The following ELAVL4 variants were observed in gnomAD, a reference collection of about 807,000 sequenced individuals.
ELAVL4 encodes the protein ELAV-like protein 4.
ELAVL4 carries 1 observed loss-of-function variant against 35.6 expected under a neutral mutation model. That is an observed-to-expected ratio of 0.03 (90% CI 0.01 to 0.13). ELAVL4 has a LOEUF of 0.13. ELAVL4 is among the 10% of genes least tolerant of loss of function. The pLI is 1.00. For missense variants in ELAVL4, 267 were observed against 464.9 expected (o/e 0.57, Z 3.91); for synonymous variants, 156 against 171.0 (o/e 0.91, Z 0.69).
intron 1 of ELAVL4, among the ~76,000 whole-genome samples, chr1:50,120,006 G>T (rs1236967356): frequency 6.6e-6 from 1 of 150,882 alleles, no homozygotes; most frequent in African/African-American, 2.4e-5. Flanking sequence ...TTTTCTTGGG[G>T]GAAAAATAAG....
chr1:50,186,293 G>A (rs1483181313), intron 3 of ELAVL4, among the ~76,000 whole-genome samples: 2 of 152,178 alleles, frequency 1.3e-5, no homozygotes, highest in Non-Finnish European at 2.9e-5. Flanking sequence ...TCACTTGAGA[G>A]AGCATTTTTT....
intron 1 of ELAVL4, chr1:50,109,886 C>T: frequency 6.2e-7 from 1 of 1,608,728 alleles, no homozygotes; most frequent in Non-Finnish European, 8.5e-7. Context: ...TTTTACATAA[C>T]GTTCCTTTCC....
chr1:50,189,024 G>A (rs1158155871), intron 3 of ELAVL4, among the ~76,000 whole-genome samples: 1 of 152,182 alleles, frequency 6.6e-6, no homozygotes, highest in Non-Finnish European at 1.5e-5. Context: ...CTGGCACATA[G>A]TAGATGTTTA....
intron 1 of ELAVL4, among the ~76,000 whole-genome samples, chr1:50,093,627 G>A (rs1353786841): frequency 1.3e-5 from 2 of 152,166 alleles, no homozygotes; most frequent in African/African-American, 4.8e-5. Context: ...GGGTTTGCCC[G>A]AGAGAAGCAT....
chr1:50,100,534 A>G (rs1336803246), upstream of ELAVL4, among the ~76,000 whole-genome samples: 2 of 152,190 alleles, frequency 1.3e-5, no homozygotes, highest in Non-Finnish European at 2.9e-5. Context: ...GGCTTCTCCC[A>G]CGAAGCCTTC....
intron 3 of ELAVL4, among the ~76,000 whole-genome samples, chr1:50,182,683 G>A (rs1681229299): frequency 6.6e-6 from 1 of 152,160 alleles, no homozygotes; most frequent in South Asian, 2.1e-4. Context: ...GGCTGCTGTG[G>A]TAGGTTTTTG....
At position 50,108,930 on chromosome 1, in the gene ELAVL4, C is replaced by T; in HGVS notation, c.-260C>T. The T allele has an allele frequency of 8.9e-7, 1 of 1,129,140 alleles. No individual in the cohort carries two copies. The highest frequency in any genetic ancestry group is 1.1e-6 in the Non-Finnish European group (1 of 924,054). 69.9% of individuals were successfully genotyped at this position (1,129,140 alleles called of 1,614,324 possible). A position where few individuals can be genotyped will look rare whatever the true frequency, so the allele number is the denominator to read the frequency against. ...AAAAGGGGAAGCTTCGAGCCAATTTCAGCAAGGCTCTGTTCAGTTGTTCTT... is the reference window on the plus strand; with the variant it reads ...AAAAGGGGAAGCTTCGAGCCAATTTTAGCAAGGCTCTGTTCAGTTGTTCTT... On this transcript the variant is annotated 5_prime_UTR_variant, in exon 1 of 7. Transcript: ENST00000371824.
intron 1 of ELAVL4, among the ~76,000 whole-genome samples, chr1:50,084,637 C>T (rs553826040): frequency 1.2e-4 from 18 of 152,198 alleles, no homozygotes; most frequent in African/African-American, 4.3e-4. Flanking sequence ...TTTTTCTGTT[C>T]GTGGAACAAG....
At chr1:50,189,885 G>A (rs550168699) in intron 3 of ELAVL4, among the ~76,000 whole-genome samples, 3 of 152,312 alleles carry the variant, frequency 2.0e-5, no homozygotes, top group South Asian at 4.1e-4. Flanking sequence ...AGTGAGTACT[G>A]GAGCTGACCC....
At chr1:50,080,558 G>C (rs1477867570) in intron 1 of ELAVL4, among the ~76,000 whole-genome samples, 1 of 152,058 alleles carries the variant, frequency 6.6e-6, no homozygotes, top group East Asian at 1.9e-4. Flanking sequence ...TCATTTCCCT[G>C]ATGAAATATC....
intron 1 of ELAVL4, among the ~76,000 whole-genome samples, chr1:50,095,808 C>G (rs1014127211): frequency 6.6e-6 from 1 of 152,184 alleles, no homozygotes; most frequent in African/African-American, 2.4e-5. Context: ...ACATTATTCA[C>G]CAAATAAGGT....
chr1:50,085,077 A>G (rs1665179903), intron 1 of ELAVL4, among the ~76,000 whole-genome samples: 1 of 152,086 alleles, frequency 6.6e-6, no homozygotes, highest in Admixed American at 6.6e-5. Flanking sequence ...TTACTGCAAA[A>G]ATTTCATCCC....
At chr1:50,159,196 A>G (rs1258564396) in intron 2 of ELAVL4, among the ~76,000 whole-genome samples, 1 of 152,220 alleles carries the variant, frequency 6.6e-6, no homozygotes, top group African/African-American at 2.4e-5. Flanking sequence ...TTCAAAGGGT[A>G]ATATTCATTT....
chr1:50,076,084 C>T (rs918474955), intron 1 of ELAVL4, among the ~76,000 whole-genome samples: 1 of 152,318 alleles, frequency 6.6e-6, no homozygotes, highest in East Asian at 1.9e-4. Flanking sequence ...CCACCTTGGC[C>T]TCCCAAAGTG....
chr1:50,124,969 G>A (rs1418870154), intron 1 of ELAVL4, among the ~76,000 whole-genome samples: 1 of 152,034 alleles, frequency 6.6e-6, no homozygotes, highest in East Asian at 1.9e-4. Context: ...AATTTTTGTT[G>A]AGTGCCTGCC....
intron 2 of ELAVL4, among the ~76,000 whole-genome samples, chr1:50,149,885 A>C (rs1020145945): frequency 6.6e-6 from 1 of 152,140 alleles, no homozygotes; most frequent in Non-Finnish European, 1.5e-5. Context: ...CAAACTGAAC[A>C]TTATCAATAA....
At chr1:50,082,604 A>G (rs1017783491) in intron 1 of ELAVL4, among the ~76,000 whole-genome samples, 1 of 151,956 alleles carries the variant, frequency 6.6e-6, no homozygotes, top group African/African-American at 2.4e-5. Flanking sequence ...GATTGCAAAA[A>G]TTTTCTCCTA....
Position 50,111,237 on chromosome 1 carries a change from CT to C in ELAVL4, c.9+2051del, listed in dbSNP as rs548633832. Among the ~76,000 whole-genome samples the C allele has an allele frequency of 3.2e-3, 447 of 138,346 alleles. 8 individuals are homozygous for C. The South Asian group carries it at 0.063, about 19-fold the overall frequency. 90.8% of individuals were successfully genotyped at this position (138,346 alleles called of 152,430 possible). A position where few individuals can be genotyped will look rare whatever the true frequency, so the allele number is the denominator to read the frequency against. ...GGGGAAGGGAGGGTAGGGAATCTTGCTTTTTTTTTTTTCCTTTTTCCCCCTT... is the reference window on the plus strand; with the variant it reads ...GGGGAAGGGAGGGTAGGGAATCTTGCTTTTTTTTTTTCCTTTTTCCCCCTT... On this transcript the variant is annotated intron_variant, in intron 1 of 6. Transcript: ENST00000371824.
chr1:50,125,427 C>T (rs183686325), intron 1 of ELAVL4, among the ~76,000 whole-genome samples: 3 of 151,954 alleles, frequency 2.0e-5, no homozygotes, highest in African/African-American at 4.8e-5. Context: ...GAGCTGGAAC[C>T]GTCAATGCCC....
Sources: allele counts gnomAD v4.1 joint callset (sites outside exome capture counted in the v4.1 genomes callset), GRCh38; gene constraint gnomAD v4.1.1; transcripts MANE v1.5; gene names NCBI Gene and HGNC (gene_info 2026-07-23, HGNC 2026-07-21).